Variants in WDR49 observed in about 807,000 individuals in gnomAD.
WDR49 encodes WD repeat domain 49, also known as cilia- and flagella-associated protein 337.
A neutral mutation model predicts 119.5 loss-of-function variants in WDR49; 107 were observed. The observed-to-expected ratio is 0.90, with a 90% CI of 0.77 to 1.05. The LOEUF is 1.05. WDR49 is among the 50% of genes least tolerant of loss of function. The pLI, the probability that WDR49 is intolerant of heterozygous loss-of-function variation, is 0.00. For missense variants in WDR49, 1,240 were observed against 1,220.5 expected (o/e 1.02, Z -0.24); for synonymous variants, 425 against 418.8 (o/e 1.01, Z -0.18).
At chr3:167,497,312 T>G (rs1377671866) in intron 18 of WDR49, among the ~76,000 whole-genome samples, 15 of 151,530 alleles carry the variant, frequency 9.9e-5, no homozygotes, top group Non-Finnish European at 2.2e-4. Context: ...AGAGGAAATA[T>G]TTTCAAAACA....
At chr3:167,559,650 T>G (rs1329207118) in intron 9 of WDR49, among the ~76,000 whole-genome samples, 1 of 152,214 alleles carries the variant, frequency 6.6e-6, no homozygotes, top group Non-Finnish European at 1.5e-5. Context: ...TTGAAAAATT[T>G]GCATCTATGC....
At chr3:167,515,977 T>C (rs1752181602) in intron 16 of WDR49, among the ~76,000 whole-genome samples, 1 of 152,034 alleles carries the variant, frequency 6.6e-6, no homozygotes, top group Non-Finnish European at 1.5e-5. Context: ...CTCAAGGAAA[T>C]CAGAGAGGAC....
intron 9 of WDR49, among the ~76,000 whole-genome samples, chr3:167,559,524 A>T (rs1359088156): frequency 2.0e-5 from 3 of 152,246 alleles, no homozygotes; most frequent in Non-Finnish European, 4.4e-5. Flanking sequence ...AAACTTAGAA[A>T]TATAAAATCA....
intron 18 of WDR49, among the ~76,000 whole-genome samples, chr3:167,479,540 C>T (rs922921674): frequency 1.3e-5 from 2 of 152,092 alleles, no homozygotes; most frequent in African/African-American, 2.4e-5. Context: ...ATAATTTTGG[C>T]ATTTTGCATA....
intron 17 of WDR49, among the ~76,000 whole-genome samples, chr3:167,501,462 A>G (rs1751561273): frequency 6.6e-6 from 1 of 152,196 alleles, no homozygotes; most frequent in Non-Finnish European, 1.5e-5. Context: ...AGTGCTTTAC[A>G]TATCTATCTC....
Position 167,486,874 on chromosome 3 carries a change from A to T in WDR49, c.3032-7878T>A, listed in dbSNP as rs80101365. On this transcript the variant is annotated intron_variant, in intron 18 of 18. Transcript: ENST00000682715. Reference sequence around the variant, plus strand: ...TAGGCTTAAACTCTACACTTGATCAATTGGACCTAATTGACAACTATAGAA... The same window carrying T: ...TAGGCTTAAACTCTACACTTGATCATTTGGACCTAATTGACAACTATAGAA... Among the ~76,000 whole-genome samples, 408 of 152,254 alleles carry T rather than the reference A, an allele frequency of 2.7e-3. 3 individuals carry two copies. Among genetic ancestry groups the T allele is most frequent in the African/African-American group, 9.1e-3 (377 of 41,574 alleles).
intron 9 of WDR49, among the ~76,000 whole-genome samples, chr3:167,557,624 G>A (rs1001555676): frequency 6.6e-6 from 1 of 151,888 alleles, no homozygotes; most frequent in Non-Finnish European, 1.5e-5. Flanking sequence ...GTGGTGGCAG[G>A]CGCCTGTAGT....
rs145156716 is a variant in WDR49 at position 167,478,959 on chromosome 3, G to A, written c.3069C>T (p.Pro1023=). The A allele has an allele frequency of 6.2e-7, 1 of 1,608,482 alleles. No homozygotes were observed. Among genetic ancestry groups the A allele is most frequent in the Non-Finnish European group, 8.5e-7 (1 of 1,178,612 alleles). The change falls in exon 19 of 19, where the codon CCC becomes CCT. Residue 1023 remains proline (P), a synonymous_variant. Transcript: ENST00000682715. ...TTCGTTCATGATGCAGAATTTCCTT[G>A]GGAAACAGGTTTTTCTCATCAAATA... ...KAVFDEKNLF[P]KEILHHERKA...
chr3:167,562,027 G>A (rs1242111686), intron 8 of WDR49, among the ~76,000 whole-genome samples: 1 of 152,030 alleles, frequency 6.6e-6, no homozygotes, highest in Admixed American at 6.6e-5. Flanking sequence ...GAGTAGGCAA[G>A]CTGAAGATGG....
At position 167,620,428 on chromosome 3, in the gene WDR49, C is replaced by T; in HGVS notation, c.958+1G>A. ...CTTTCATTACTGTTCAAATTCAATA[C>T]CTTGCCTGACCCAATCTCCTTGATG... On this transcript the variant is annotated splice_donor_variant, in intron 5 of 18. Coordinates refer to ENST00000682715, the MANE Select transcript of WDR49 (RefSeq NM_001366157.1). LOFTEE classifies it high-confidence loss of function. 6.5e-7 allele frequency: 1 copy of T among 1,534,190 alleles called. No homozygotes were observed. The highest frequency in any genetic ancestry group is 8.7e-7 in the Non-Finnish European group (1 of 1,145,642).
At chr3:167,532,122 C>T (rs1194043857) in intron 12 of WDR49, among the ~76,000 whole-genome samples, 2 of 152,080 alleles carry the variant, frequency 1.3e-5, no homozygotes, top group Admixed American at 6.6e-5. Flanking sequence ...TTTTCCTACT[C>T]TTAAGAAAAT....
In WDR49 at chr3:167,537,056, G is replaced by A. The variant is rs878870425; in HGVS notation, c.1824-56C>T. 1.1e-5 allele frequency: 16 copies of A among 1,485,484 alleles called. No individual in the cohort carries two copies. In the South Asian group the frequency reaches 2.3e-4, roughly 21 times the overall value. 92.0% of individuals were successfully genotyped at this position (1,485,484 alleles called of 1,614,324 possible). ...GATCTAAAATTGATGTAGACATTGA[G>A]TAGCCACTATCCACTTGAATGATGT... On this transcript the variant is annotated intron_variant, in intron 10 of 18. Coordinates refer to ENST00000682715, the MANE Select transcript of WDR49 (RefSeq NM_001366157.1).
intron 8 of WDR49, among the ~76,000 whole-genome samples, chr3:167,569,680 C>CAAA (rs199809894): frequency 8.3e-5 from 8 of 96,752 alleles, no homozygotes; most frequent in African/African-American, 2.7e-4. Flanking sequence ...CTGGACACAG[C>CAAA]AAAAAAAAAA....
At chr3:167,497,899 G>T (rs1339897031) in intron 18 of WDR49, among the ~76,000 whole-genome samples, 1 of 142,580 alleles carries the variant, frequency 7.0e-6, no homozygotes, top group Non-Finnish European at 1.5e-5. Flanking sequence ...TTTTCAACAG[G>T]CTAGTGCAGT....
intron 1 of WDR49, 80 bp downstream of exon 1, chr3:167,653,754 T>C (rs1559934357): frequency 5.6e-6 from 1 of 177,470 alleles, no homozygotes; most frequent in Admixed American, 6.0e-5. Context: ...ACATTTATAG[T>C]AACTGACACA....
At chr3:167,556,756 G>A (rs1712951954) in intron 9 of WDR49, among the ~76,000 whole-genome samples, 1 of 152,086 alleles carries the variant, frequency 6.6e-6, no homozygotes, top group South Asian at 2.1e-4. Flanking sequence ...GCCGGATTCA[G>A]TGGCTCATGG....
intron 7 of WDR49, among the ~76,000 whole-genome samples, chr3:167,590,690 TA>T (rs1715065839): frequency 1.3e-5 from 2 of 152,136 alleles, no homozygotes; most frequent in Admixed American, 6.6e-5. Context: ...TATTAACATA[TA>T]GTGGCTCATA....
At chr3:167,649,492 T>C (rs539565908) in intron 2 of WDR49, among the ~76,000 whole-genome samples, 3 of 152,272 alleles carry the variant, frequency 2.0e-5, no homozygotes, top group East Asian at 3.9e-4. Flanking sequence ...GGGAATTTTA[T>C]AAAGATAATC....
At chr3:167,482,863 T>C (rs1036348727) in intron 18 of WDR49, among the ~76,000 whole-genome samples, 7 of 152,002 alleles carry the variant, frequency 4.6e-5, no homozygotes, top group Admixed American at 2.0e-4. Flanking sequence ...TTGACAAAAA[T>C]TGTGAGCATA....
Sources: allele counts gnomAD v4.1 joint callset (sites outside exome capture counted in the v4.1 genomes callset), GRCh38; gene constraint gnomAD v4.1.1; transcripts MANE v1.5; gene names NCBI Gene and HGNC (gene_info 2026-07-23, HGNC 2026-07-21).